The following ZNF536 variants were observed in gnomAD, a reference collection of about 807,000 sequenced individuals.
The protein encoded by ZNF536 is zinc finger protein 536.
In ZNF536, 13 loss-of-function variants were observed where a neutral mutation model predicts 84.5. The observed-to-expected ratio is 0.15, with a 90% confidence interval of 0.10 to 0.24. ZNF536 has a LOEUF of 0.24. ZNF536 is among the 10% of genes least tolerant of loss of function. The pLI is 1.00. For missense variants in ZNF536, 1,536 were observed against 1,747.5 expected (o/e 0.88, Z 2.16); for synonymous variants, 811 against 742.5 (o/e 1.09, Z -1.50).
intron 2 of ZNF536, among the ~76,000 whole-genome samples, chr19:30,527,210 C>A (rs1317077853): frequency 2.0e-5 from 3 of 147,578 alleles, no homozygotes; most frequent in Non-Finnish European, 3.0e-5. Flanking sequence ...ATCCACCACA[C>A]CCAGCCTCCT....
intron 1 of ZNF536, among the ~76,000 whole-genome samples, chr19:30,265,397 G>A (rs1485892107): frequency 6.6e-6 from 1 of 152,138 alleles, no homozygotes; most frequent in Non-Finnish European, 1.5e-5. Context: ...GGTCAGGAGG[G>A]ACCTTTCCTT....
rs576754329 is a variant in ZNF536, at chr19:30,540,656, A to C, written c.2323+5657A>C. 2.0e-5 allele frequency among the ~76,000 whole-genome samples: 3 copies of C among 152,282 alleles called. No individual in the cohort carries two copies. In the East Asian group the frequency reaches 5.8e-4, roughly 30 times the overall value. On this transcript the variant is annotated intron_variant, in intron 3 of 4. Coordinates refer to ENST00000355537, the MANE Select transcript of ZNF536 (RefSeq NM_014717.3). ...TGTCCAGGCTTGGATTAAAGGTTAT[A>C]ATCAGATCTGCCTAATTCAGAATCT...
chr19:30,540,212 A>C (rs2045274839), intron 3 of ZNF536, among the ~76,000 whole-genome samples: 1 of 152,114 alleles, frequency 6.6e-6, no homozygotes, highest in African/African-American at 2.4e-5. Context: ...TGCTGTCTTC[A>C]CGGCACAGCT....
chr19:30,397,836 TGA>T (rs2147447377), intron 1 of ZNF536, among the ~76,000 whole-genome samples: 1 of 152,028 alleles, frequency 6.6e-6, no homozygotes, highest in African/African-American at 2.4e-5. Context: ...TAAATAGGCA[TGA>T]GAGAGATAGA....
At chr19:30,550,529 TA>T (rs1257098088) in intron 4 of ZNF536, among the ~76,000 whole-genome samples, 2 of 151,576 alleles carry the variant, frequency 1.3e-5, no homozygotes, top group Non-Finnish European at 2.9e-5. Flanking sequence ...TGGATTTCTG[TA>T]ATTTTACTTC....
Position 30,417,148 on chromosome 19 carries a change from A to ATTTTTTTTTTTTTT in ZNF536, c.-2-26398_-2-26385dup, listed in dbSNP as rs71173904. ...GCCACCACGCCAGGCTAATTTTTGT[A>ATTTTTTTTTTTTTT]TTTTTTTTTTTTTTTTTTTTTTTTT... On this transcript the variant is annotated intron_variant, in intron 1 of 4. Coordinates refer to ENST00000355537, the MANE Select transcript of ZNF536 (RefSeq NM_014717.3). 6.8e-4 allele frequency among the ~76,000 whole-genome samples: 68 copies of ATTTTTTTTTTTTTT among 100,202 alleles called. 3 individuals carry two copies. The highest frequency in any genetic ancestry group is 6.6e-3 in the East Asian group (23 of 3,494). The allele number at this position is 100,202 out of a possible 152,430, so 65.7% of individuals were successfully genotyped here. A position where few individuals can be genotyped will look rare whatever the true frequency, so the allele number is the denominator to read the frequency against.
chr19:30,438,029 GT>G (rs1463587877), intron 1 of ZNF536, among the ~76,000 whole-genome samples: 15 of 152,156 alleles, frequency 9.9e-5, no homozygotes, highest in Non-Finnish European at 1.9e-4. Flanking sequence ...GTTATTCAAA[GT>G]CCTGACTGCC....
rs76228447 is a variant in ZNF536, at chr19:30,348,894, C to T, written c.-119-3474C>T. 6.7e-3 allele frequency among the ~76,000 whole-genome samples: 1,020 copies of T among 151,456 alleles called. 13 individuals carry two copies. The highest frequency in any genetic ancestry group is 0.023 in the African/African-American group (955 of 41,270). ...GTGCACCTGTTTCACAGGTTGAGAACCCATATTTGAAAGCACAAATGATTG... is the reference window on the plus strand; with the variant it reads ...GTGCACCTGTTTCACAGGTTGAGAATCCATATTTGAAAGCACAAATGATTG... On this transcript the variant is annotated intron_variant, in intron 2 of 5. Coordinates refer to the ZNF536 transcript ENST00000585628.
At chr19:30,358,491 G>T (rs2048168347) in intron 3 of ZNF536, among the ~76,000 whole-genome samples, 1 of 152,218 alleles carries the variant, frequency 6.6e-6, no homozygotes, top group Admixed American at 6.5e-5. Context: ...AGCCCCTAGG[G>T]CCGTTCCTGG....
intron 2 of ZNF536, among the ~76,000 whole-genome samples, chr19:30,485,468 C>T (rs1229128577): frequency 6.6e-6 from 1 of 152,180 alleles, no homozygotes; most frequent in African/African-American, 2.4e-5. Flanking sequence ...CCCAAGACAA[C>T]CGCACATCTC....
intron 2 of ZNF536, among the ~76,000 whole-genome samples, chr19:30,505,706 C>T (rs1343491807): frequency 6.6e-6 from 1 of 152,124 alleles, no homozygotes; most frequent in Non-Finnish European, 1.5e-5. Context: ...TACTTTGTCA[C>T]TCATGCTGGA....
chr19:30,435,468 A>G (rs1264970756), intron 1 of ZNF536, among the ~76,000 whole-genome samples: 6 of 145,520 alleles, frequency 4.1e-5, no homozygotes, highest in Non-Finnish European at 7.5e-5. Flanking sequence ...TGGTAGTGAT[A>G]CTGCTGCTGC....
chr19:30,690,020 A>T (rs1394139260), intron 1 of ZNF536, among the ~76,000 whole-genome samples: 1 of 152,206 alleles, frequency 6.6e-6, no homozygotes, highest in Non-Finnish European at 1.5e-5. Context: ...CCCCTGATTC[A>T]GCCAAACTGT....
At chr19:30,287,929 C>T (rs2045706346) in intron 2 of ZNF536, among the ~76,000 whole-genome samples, 2 of 152,134 alleles carry the variant, frequency 1.3e-5, no homozygotes. Flanking sequence ...TCACTTTTAC[C>T]ATCTATTCAT....
intron 1 of ZNF536, among the ~76,000 whole-genome samples, chr19:30,280,661 T>C (rs1351978816): frequency 6.6e-6 from 1 of 152,244 alleles, no homozygotes; most frequent in Admixed American, 6.5e-5. Context: ...TCAGGGCCCA[T>C]CTCAGAGCCA....
intron 1 of ZNF536, among the ~76,000 whole-genome samples, chr19:30,595,960 C>A (rs2047449075): frequency 6.6e-6 from 1 of 152,056 alleles, no homozygotes; most frequent in South Asian, 2.1e-4. Flanking sequence ...CAGGGCAGCC[C>A]CACTTCTATA....
At chr19:30,675,300 A>C (rs1194405335) in intron 1 of ZNF536, among the ~76,000 whole-genome samples, 1 of 152,192 alleles carries the variant, frequency 6.6e-6, no homozygotes, top group Non-Finnish European at 1.5e-5. Context: ...TTGCTGATGC[A>C]AGCGTTCAAA....
At chr19:30,383,218 A>T (rs1399075601) in intron 1 of ZNF536, among the ~76,000 whole-genome samples, 1 of 152,310 alleles carries the variant, frequency 6.6e-6, no homozygotes, top group East Asian at 1.9e-4. Flanking sequence ...TGAACCCAGG[A>T]GGCGGAGGTT....
At chr19:30,633,770 C>T (rs993520779) in intron 1 of ZNF536, among the ~76,000 whole-genome samples, 1 of 151,906 alleles carries the variant, frequency 6.6e-6, no homozygotes. Context: ...GATGGGGTCT[C>T]ACTATGTTGC....
Sources: gnomAD v4.1 joint callset for allele counts (sites outside exome capture counted in the v4.1 genomes callset) on GRCh38, gnomAD v4.1.1 for gene constraint, MANE v1.5 for transcripts, NCBI Gene and HGNC (gene_info 2026-07-23, HGNC 2026-07-21) for gene names.